The following FOCAD variants were observed in gnomAD, a reference collection of about 807,000 sequenced individuals.
The protein encoded by FOCAD is focadhesin.
FOCAD carries 198 observed loss-of-function variants against 225.6 expected under a neutral mutation model. The observed-to-expected ratio is 0.88, with a 90% CI of 0.78 to 0.99. FOCAD has a LOEUF of 0.99. Among genes scored for constraint, FOCAD ranks in the 50% least tolerant of loss-of-function variants. The pLI, the probability that FOCAD is intolerant of heterozygous loss-of-function variation, is 0.00. For synonymous variants in FOCAD, 897 were observed against 755.0 expected (o/e 1.19, Z -3.08); for missense variants, 2,713 against 2,123.6 (o/e 1.28, Z -5.46).
intron 5 of FOCAD, among the ~76,000 whole-genome samples, chr9:20,741,860 G>T (rs996839956): frequency 6.6e-6 from 1 of 151,868 alleles, no homozygotes; most frequent in Non-Finnish European, 1.5e-5. Flanking sequence ...CAGAGTTCAG[G>T]ATAGAAAATA....
At chr9:20,687,485 C>A (rs1450118940) in intron 1 of FOCAD, among the ~76,000 whole-genome samples, 1 of 152,138 alleles carries the variant, frequency 6.6e-6, no homozygotes, top group Admixed American at 6.5e-5. Flanking sequence ...TCTATTTGGC[C>A]TACCTGCTTT....
chr9:20,920,354 C>T (rs1834289264), intron 24 of FOCAD, among the ~76,000 whole-genome samples: 1 of 129,658 alleles, frequency 7.7e-6, no homozygotes, highest in Admixed American at 8.1e-5. Flanking sequence ...AACACTTTTA[C>T]ACTGTTGGTG....
chr9:20,974,808 G>C (rs867460799), intron 35 of FOCAD, among the ~76,000 whole-genome samples: 1 of 145,976 alleles, frequency 6.9e-6, no homozygotes, highest in East Asian at 2.0e-4. Flanking sequence ...CCTTTTTCCT[G>C]TGCTTCTCAT....
chr9:20,953,488 T>C (rs1587707995), intron 35 of FOCAD, among the ~76,000 whole-genome samples: 1 of 152,214 alleles, frequency 6.6e-6, no homozygotes, highest in East Asian at 1.9e-4. Context: ...GTTGTTGAAA[T>C]CACTGGCTCT....
At chr9:20,868,222 C>G (rs749482940) in intron 18 of FOCAD, among the ~76,000 whole-genome samples, 5 of 152,040 alleles carry the variant, frequency 3.3e-5, no homozygotes, top group Non-Finnish European at 7.4e-5. Context: ...CAAACACCTG[C>G]CAATAGATTA....
intron 22 of FOCAD, among the ~76,000 whole-genome samples, chr9:20,908,633 C>A (rs1282036405): frequency 6.6e-6 from 1 of 151,972 alleles, no homozygotes; most frequent in Non-Finnish European, 1.5e-5. Flanking sequence ...TGTTTCCTTA[C>A]TCAATTTTTA....
At chr9:20,738,022 C>T (rs1160745310) in intron 4 of FOCAD, among the ~76,000 whole-genome samples, 2 of 152,156 alleles carry the variant, frequency 1.3e-5, no homozygotes, top group African/African-American at 4.8e-5. Flanking sequence ...TGGGAGACAC[C>T]AGTCCTTATA....
chr9:20,814,395 G>A (rs1449135322), intron 11 of FOCAD, among the ~76,000 whole-genome samples: 4 of 147,986 alleles, frequency 2.7e-5, no homozygotes, highest in East Asian at 2.0e-4. Context: ...TCACTCTGTC[G>A]CCCAGGCTGG....
chr9:20,747,177 C>T (rs1437647984), intron 5 of FOCAD, among the ~76,000 whole-genome samples: 1 of 152,086 alleles, frequency 6.6e-6, no homozygotes, highest in African/African-American at 2.4e-5. Context: ...GTGATTTTCC[C>T]AACTCCACCA....
At chr9:20,666,302 T>G (rs1366958855) in intron 2 of FOCAD, among the ~76,000 whole-genome samples, 1 of 152,068 alleles carries the variant, frequency 6.6e-6, no homozygotes, top group Non-Finnish European at 1.5e-5. Context: ...CTGGGTGCAG[T>G]GTCTTGCCCT....
rs937547621 is a variant in FOCAD at position 20,950,760 on chromosome 9, T to C, written c.3949-236T>C. 4.6e-5 allele frequency among the ~76,000 whole-genome samples: 7 copies of C among 152,210 alleles called. No individual in the cohort carries two copies. In the East Asian group the frequency reaches 1.3e-3, roughly 29 times the overall value. ...AAACCTGAGAAAACCACTAGTACTT[T>C]CTGCCATGATTAAATGATTGATTGA... is the stretch of plus-strand genomic sequence containing the variant. On this transcript the variant is annotated intron_variant, in intron 33 of 43. Coordinates refer to ENST00000338382, the MANE Select transcript of FOCAD (RefSeq NM_001375567.1).
At chr9:20,707,154 A>G (rs1288332839) in intron 1 of FOCAD, among the ~76,000 whole-genome samples, 2 of 152,152 alleles carry the variant, frequency 1.3e-5, no homozygotes, top group Admixed American at 6.5e-5. Flanking sequence ...CTTCCACATC[A>G]TATGGTTGCT....
In FOCAD at chr9:20,874,827, A is replaced by G; in HGVS notation, c.2317+20A>G. On this transcript the variant is annotated intron_variant, in intron 19 of 43. Coordinates refer to ENST00000338382, the MANE Select transcript of FOCAD (RefSeq NM_001375567.1). ...TACCAGGTGACTCCTATTTGGTAGTAGAGAAGCTAGCATTTTTTAGTGGTT... is the reference window on the plus strand; with the variant it reads ...TACCAGGTGACTCCTATTTGGTAGTGGAGAAGCTAGCATTTTTTAGTGGTT... 6.2e-7 allele frequency: 1 copy of G among 1,613,254 alleles called. No homozygotes were observed. Among genetic ancestry groups the G allele is most frequent in the Non-Finnish European group, 8.5e-7 (1 of 1,179,472 alleles).
At chr9:20,979,865 G>A (rs971346235) in intron 37 of FOCAD, among the ~76,000 whole-genome samples, 4 of 152,086 alleles carry the variant, frequency 2.6e-5, no homozygotes, top group African/African-American at 7.2e-5. Context: ...ACAGCCTGAC[G>A]GGACAGTTTT....
intron 1 of FOCAD, among the ~76,000 whole-genome samples, chr9:20,699,782 A>G (rs942637931): frequency 2.3e-4 from 18 of 77,056 alleles, no homozygotes; most frequent in Non-Finnish European, 3.7e-4. Context: ...AAATATATAT[A>G]TATATATATA....
At chr9:20,698,135 T>G (rs1483782729) in intron 1 of FOCAD, among the ~76,000 whole-genome samples, 1 of 152,210 alleles carries the variant, frequency 6.6e-6, no homozygotes, top group Non-Finnish European at 1.5e-5. Flanking sequence ...ATTAAACATT[T>G]TATTTTTTTA....
At chr9:20,855,197 C>T (rs1828044190) in intron 15 of FOCAD, among the ~76,000 whole-genome samples, 1 of 151,090 alleles carries the variant, frequency 6.6e-6, no homozygotes, top group Admixed American at 6.6e-5. Context: ...TAAAACTTTC[C>T]CATGTATAAG....
intron 1 of FOCAD, 80 bp from the exon 2 acceptor site, chr9:20,715,242 A>T (rs1259193582): frequency 1.8e-6 from 1 of 551,152 alleles, no homozygotes; most frequent in African/African-American, 1.9e-5. Context: ...TTACATTCAC[A>T]TTATTTGAGG....
intron 4 of FOCAD, among the ~76,000 whole-genome samples, chr9:20,721,488 C>A (rs927145445): frequency 6.6e-6 from 1 of 151,844 alleles, no homozygotes; most frequent in African/African-American, 2.4e-5. Context: ...GATCACCTGA[C>A]GTCAGGAGTT....
Sources: gnomAD v4.1 joint callset for allele counts (sites outside exome capture counted in the v4.1 genomes callset) on GRCh38, gnomAD v4.1.1 for gene constraint, MANE v1.5 for transcripts, NCBI Gene and HGNC (gene_info 2026-07-23, HGNC 2026-07-21) for gene names.